The following LRP1B variants were observed in gnomAD, a reference collection of about 807,000 sequenced individuals.
LRP1B encodes low-density lipoprotein receptor-related protein 1B.
Under a neutral mutation model 556.6 loss-of-function variants are expected in LRP1B, and 217 were observed. The ratio of observed to expected loss-of-function variants is 0.39; its 90% CI spans 0.35 to 0.44. LRP1B has a LOEUF of 0.44. Ranked by LOEUF, LRP1B falls within the 20% of genes least tolerant of loss-of-function variation. LRP1B has a pLI of 1.00. For missense variants in LRP1B, 5,053 were observed against 5,620.8 expected, an observed-to-expected ratio of 0.90 and a Z score of 3.23; for synonymous variants, 2,047 against 1,865.8, an observed-to-expected ratio of 1.10 and a Z score of -2.50.
chr2:140,281,623 G>A (rs546693273), intron 84 of LRP1B, among the ~76,000 whole-genome samples: 2 of 151,728 alleles, frequency 1.3e-5, no homozygotes, highest in Admixed American at 6.6e-5. Context: ...AATAAATTTT[G>A]TGAAATGGTT....
At chr2:140,871,974 G>T (rs1693143550) in intron 25 of LRP1B, among the ~76,000 whole-genome samples, 1 of 151,228 alleles carries the variant, frequency 6.6e-6, no homozygotes, top group Non-Finnish European at 1.5e-5. Flanking sequence ...TCCAAGAGGT[G>T]TGTGTGTTTG....
chr2:141,624,810 C>A (rs980570086), intron 2 of LRP1B, among the ~76,000 whole-genome samples: 1 of 152,106 alleles, frequency 6.6e-6, no homozygotes, highest in Non-Finnish European at 1.5e-5. Flanking sequence ...CGCGCTGTCA[C>A]CCATGCTGGA....
At chr2:140,867,946 T>C in intron 26 of LRP1B, 112 bp from the exon 27 acceptor site, 1 of 1,306,760 alleles carries the variant, frequency 7.7e-7, no homozygotes, top group Non-Finnish European at 1.0e-6. Context: ...AATATTTTTA[T>C]GGGTCTGTAT....
chr2:141,095,646 T>A (rs767860461), intron 7 of LRP1B, among the ~76,000 whole-genome samples: 1 of 152,088 alleles, frequency 6.6e-6, no homozygotes, highest in Non-Finnish European at 1.5e-5. Context: ...TATTATTATT[T>A]TTTTATATAT....
intron 7 of LRP1B, among the ~76,000 whole-genome samples, chr2:141,099,168 T>G (rs1046081773): frequency 6.6e-6 from 1 of 152,164 alleles, no homozygotes; most frequent in Non-Finnish European, 1.5e-5. Flanking sequence ...AATACAGCAC[T>G]AAACACAGTG....
chr2:141,412,767 A>G (rs1283603163), intron 3 of LRP1B, among the ~76,000 whole-genome samples: 34 of 152,360 alleles, frequency 2.2e-4, no homozygotes. Context: ...AAAAATTCAC[A>G]CAGATAGAAA....
At chr2:140,982,484 T>A (rs1029045627) in intron 17 of LRP1B, among the ~76,000 whole-genome samples, 1 of 152,198 alleles carries the variant, frequency 6.6e-6, no homozygotes, top group African/African-American at 2.4e-5. Flanking sequence ...CCTTCAATTA[T>A]CAATGACTGC....
At chr2:140,813,606 T>G in intron 32 of LRP1B, 51 bp downstream of exon 32, 1 of 1,552,284 alleles carries the variant, frequency 6.4e-7, no homozygotes. Context: ...TCATAATAAA[T>G]CAACCCCCAA....
intron 1 of LRP1B, among the ~76,000 whole-genome samples, chr2:141,859,736 A>G (rs1698179029): frequency 6.6e-6 from 1 of 152,228 alleles, no homozygotes; most frequent in Non-Finnish European, 1.5e-5. Context: ...GTATACATGT[A>G]GCAAAACATC....
intron 55 of LRP1B, among the ~76,000 whole-genome samples, chr2:140,497,521 A>G (rs1463631582): frequency 6.6e-6 from 1 of 151,944 alleles, no homozygotes; most frequent in Non-Finnish European, 1.5e-5. Flanking sequence ...AAATATTTAA[A>G]AAAAAAGAAA....
chr2:140,497,257 A>G (rs1179356013), intron 55 of LRP1B, among the ~76,000 whole-genome samples: 1 of 151,902 alleles, frequency 6.6e-6, no homozygotes, highest in African/African-American at 2.4e-5. Flanking sequence ...TAAAATCTCT[A>G]TAACCCACTT....
chr2:141,683,842 G>A (rs1375203750), intron 2 of LRP1B, among the ~76,000 whole-genome samples: 1 of 152,066 alleles, frequency 6.6e-6, no homozygotes, highest in African/African-American at 2.4e-5. Flanking sequence ...GATTAAAACT[G>A]CCCCAGAGTA....
intron 7 of LRP1B, among the ~76,000 whole-genome samples, chr2:141,065,062 A>G (rs545682496): frequency 6.6e-6 from 1 of 152,018 alleles, no homozygotes; most frequent in African/African-American, 2.4e-5. Context: ...CGGAGCCATA[A>G]ATGTCACAGC....
intron 3 of LRP1B, among the ~76,000 whole-genome samples, chr2:141,393,895 T>C (rs1469918226): frequency 2.0e-5 from 3 of 152,174 alleles, no homozygotes; most frequent in African/African-American, 4.8e-5. Context: ...TTCACAAAAA[T>C]AGAGGAACAT....
At chr2:141,236,482 G>C (rs547500427) in intron 5 of LRP1B, among the ~76,000 whole-genome samples, 1 of 152,224 alleles carries the variant, frequency 6.6e-6, no homozygotes, top group Non-Finnish European at 1.5e-5. Flanking sequence ...GGAGATGTTA[G>C]ACAAAGTATG....
intron 1 of LRP1B, among the ~76,000 whole-genome samples, chr2:141,828,473 A>G (rs1184675047): frequency 6.6e-6 from 1 of 152,192 alleles, no homozygotes; most frequent in African/African-American, 2.4e-5. Flanking sequence ...GGGATGGAGG[A>G]TAGATGTTAC....
chr2:142,073,650 GT>G (rs1225400841), intron 1 of LRP1B, among the ~76,000 whole-genome samples: 3 of 151,976 alleles, frequency 2.0e-5, no homozygotes, highest in African/African-American at 7.2e-5. Flanking sequence ...TAACCCAAAT[GT>G]TATGGTTTGG....
intron 6 of LRP1B, among the ~76,000 whole-genome samples, chr2:141,201,574 A>G (rs1682021088): frequency 1.3e-5 from 2 of 152,130 alleles, no homozygotes; most frequent in South Asian, 4.1e-4. Flanking sequence ...CCCTAAAAAT[A>G]CATATTTTAA....
At chr2:141,380,236 A>T (rs1689587636) in intron 3 of LRP1B, among the ~76,000 whole-genome samples, 1 of 151,836 alleles carries the variant, frequency 6.6e-6, no homozygotes, top group Non-Finnish European at 1.5e-5. Flanking sequence ...AAAAAAAAAA[A>T]AAAGCAAGCT....
Sources: gnomAD v4.1 joint callset for allele counts (sites outside exome capture counted in the v4.1 genomes callset) on GRCh38, gnomAD v4.1.1 for gene constraint, MANE v1.5 for transcripts, NCBI Gene and HGNC (gene_info 2026-07-23, HGNC 2026-07-21) for gene names.